VPS13D: variants seen among roughly 807,000 people sequenced by gnomAD.
VPS13D encodes the protein intermembrane lipid transfer protein VPS13D.
Under a neutral mutation model 461.9 loss-of-function variants are expected in VPS13D, and 187 were observed. The observed-to-expected ratio is 0.40, with a 90% CI of 0.36 to 0.46. VPS13D has a LOEUF of 0.46. Ranked by LOEUF, VPS13D falls within the 20% of genes least tolerant of loss-of-function variation. The probability of loss-of-function intolerance (pLI) is 0.60; values close to 1 mark genes in which losing one functional copy is unlikely to be tolerated. For synonymous variants in VPS13D, 1,951 were observed against 1,986.3 expected (o/e 0.98, Z 0.47); for missense variants, 4,711 against 5,364.9 (o/e 0.88, Z 3.81).
chr1:12,262,615 A>C (rs916381233), intron 13 of VPS13D, among the ~76,000 whole-genome samples: 2 of 152,074 alleles, frequency 1.3e-5, no homozygotes, highest in African/African-American at 4.8e-5. Context: ...TAATGTAAGT[A>C]TTCTGAGCAC....
intron 27 of VPS13D, among the ~76,000 whole-genome samples, chr1:12,310,793 TTCCCTCCCTCCCTCCCTCCCTCCC>T (rs1227739408): frequency 2.8e-4 from 36 of 127,140 alleles, no homozygotes; most frequent in South Asian, 1.7e-3. Context: ...CCTTCCTTCC[TTCCCTCCCTCCCTCCCTCCCTCCC>T]TCCTTCCCTC....
chr1:12,319,974 C>T (rs550649906), intron 32 of VPS13D, among the ~76,000 whole-genome samples: 1 of 152,302 alleles, frequency 6.6e-6, no homozygotes, highest in Admixed American at 6.5e-5. Flanking sequence ...GAAGGTGAGG[C>T]CGTGGGTCTC....
At chr1:12,298,321 A>G (rs1642330716) in intron 24 of VPS13D, among the ~76,000 whole-genome samples, 1 of 152,170 alleles carries the variant, frequency 6.6e-6, no homozygotes, top group South Asian at 2.1e-4. Flanking sequence ...GCATACTCTC[A>G]GCCAATAGAC....
In VPS13D at chr1:12,511,753, T is replaced by C. The variant is rs932896356; in HGVS notation, c.*2729T>C. ...GTGCTTCCCCAGCCCCTGGGCCTGG[T>C]CACTACACAGTGGAAAACAGACAAG... On this transcript the variant is annotated 3_prime_UTR_variant, in exon 70 of 70. Transcript: ENST00000620676. The surrounding 1 kb of genome is among the most constrained non-coding windows in gnomAD (Gnocchi z 4.5). The C allele has an allele frequency of 6.6e-6, 1 of 152,192 alleles. No individual in the cohort carries two copies. Among genetic ancestry groups the C allele is most frequent in the African/African-American group, 2.4e-5 (1 of 41,436 alleles). The allele number at this position is 152,192 out of a possible 1,614,324, so 9.4% of individuals were successfully genotyped here.
At position 12,379,531 on chromosome 1, in the gene VPS13D, A is replaced by T; in HGVS notation, c.11125A>T (p.Thr3709Ser). ...MLRKPDRRRS[T>S]TQTWSFREGK... Reference sequence around the variant, plus strand: ...GAGAAAGCCTGACCGCAGGCGAAGCACAACTCAGACGTGGAGTTTCCGAGA... The same window carrying T: ...GAGAAAGCCTGACCGCAGGCGAAGCTCAACTCAGACGTGGAGTTTCCGAGA... Residue 3709 changes from threonine to serine, a missense_variant, in exon 57 of 70, where the codon ACA becomes TCA. Physicochemically the swap from Thr to Ser is moderately conservative, Grantham distance 58 (BLOSUM62 1). Coordinates refer to ENST00000620676, the MANE Select transcript of VPS13D (RefSeq NM_015378.4). 6.2e-7 allele frequency: 1 copy of T among 1,613,660 alleles called. No individual in the cohort carries two copies. The highest frequency in any genetic ancestry group is 8.5e-7 in the Non-Finnish European group (1 of 1,179,820).
At chr1:12,230,989 C>G (rs1265524464) in intron 1 of VPS13D, among the ~76,000 whole-genome samples, 3 of 152,150 alleles carry the variant, frequency 2.0e-5, no homozygotes, top group Admixed American at 1.3e-4. Context: ...GTCCCCGCCC[C>G]GGTTTTGGAG....
chr1:12,305,518 G>A (rs767639006), intron 26 of VPS13D, among the ~76,000 whole-genome samples: 2 of 152,076 alleles, frequency 1.3e-5, no homozygotes, highest in African/African-American at 2.4e-5. Flanking sequence ...TTAAACTCCC[G>A]AGCTCAAGTG....
Position 12,244,362 on chromosome 1 carries a change from A to G in VPS13D, c.292A>G (p.Asn98Asp). 1.2e-6 allele frequency: 2 copies of G among 1,614,202 alleles called. No individual in the cohort carries two copies. The highest frequency in any genetic ancestry group is 2.2e-5 in the East Asian group (1 of 44,890). The change falls in exon 4 of 70, where the codon AAT becomes GAT. Residue 98 changes from asparagine (N) to aspartate (D), a missense_variant. Asn to Asp is a conservative substitution (Grantham distance 23, BLOSUM62 1). Around this residue, in one of 3 missense-constraint regions of VPS13D, gnomAD observed 4,411 missense variants for 4,937.8 expected, o/e 0.89. Transcript: ENST00000620676. ...AGCCCCAGAGAAAATACAGGATTTC[A>G]ATGATGAAAAGGAGAAGCTGTTGGA... ...IGAPEKIQDFNDEKEKLLERE... is the reference protein window; with the variant it reads ...IGAPEKIQDFDDEKEKLLERE...
At chr1:12,363,376 G>A (rs1473704857) in intron 52 of VPS13D, 129 bp downstream of exon 52, 4 of 954,558 alleles carry the variant, frequency 4.2e-6, no homozygotes, top group African/African-American at 1.7e-5. Context: ...AACTTGCAAA[G>A]TCCAGGGAAG....
intron 67 of VPS13D, among the ~76,000 whole-genome samples, chr1:12,485,468 G>C (rs138634178): frequency 6.6e-6 from 1 of 152,194 alleles, no homozygotes; most frequent in East Asian, 1.9e-4. Context: ...CTTCTGGCCC[G>C]CATCACCCTG....
rs182290173 is a variant in VPS13D at position 12,335,887 on chromosome 1, C to T, written c.8551+60C>T. The T allele has an allele frequency of 2.4e-4, 384 of 1,605,048 alleles. 1 individual carries two copies. In the African/African-American group the frequency reaches 4.5e-3, roughly 19 times the overall value. The stretch of plus-strand genomic sequence containing the variant: ...ACTTTTGACCTACAAAGCAATGCTT[C>T]ACTGAGAAATTCAAATGGAACCATC... On this transcript the variant is annotated intron_variant, in intron 39 of 69. Transcript: ENST00000620676.
intron 16 of VPS13D, among the ~76,000 whole-genome samples, chr1:12,269,088 TTC>T: frequency 6.6e-6 from 1 of 152,382 alleles, no homozygotes; most frequent in South Asian, 2.1e-4. Flanking sequence ...CTTAAATATT[TTC>T]TCTTTGTTTG....
chr1:12,448,447 G>C (rs1423044344), intron 65 of VPS13D, among the ~76,000 whole-genome samples: 1 of 152,132 alleles, frequency 6.6e-6, no homozygotes, highest in Non-Finnish European at 1.5e-5. Flanking sequence ...CCTGTCTTCA[G>C]GCTTCCCTCT....
intron 65 of VPS13D, among the ~76,000 whole-genome samples, chr1:12,447,845 T>C (rs1364917418): frequency 1.3e-5 from 2 of 152,208 alleles, no homozygotes; most frequent in African/African-American, 2.4e-5. Context: ...TGTTGAGGAA[T>C]GTTCGGTTTC....
At chr1:12,356,715 A>G (rs1482719026) in intron 49 of VPS13D, among the ~76,000 whole-genome samples, 191 bp downstream of exon 49, 1 of 152,244 alleles carries the variant, frequency 6.6e-6, no homozygotes, top group African/African-American at 2.4e-5. Context: ...CTGAAAATAA[A>G]CCATTTGGTT....
intron 65 of VPS13D, among the ~76,000 whole-genome samples, chr1:12,445,937 G>A (rs1039145696): frequency 1.3e-5 from 2 of 152,170 alleles, no homozygotes; most frequent in African/African-American, 4.8e-5. Context: ...TGACACTTGT[G>A]TATAAATAAC....
intron 2 of VPS13D, among the ~76,000 whole-genome samples, chr1:12,241,397 A>C (rs144519074): frequency 6.6e-6 from 1 of 152,334 alleles, no homozygotes; most frequent in African/African-American, 2.4e-5. Flanking sequence ...CGTGTTCTTG[A>C]AAATGTATAT....
At chr1:12,363,801 A>G (rs1222596245) in intron 52 of VPS13D, among the ~76,000 whole-genome samples, 1 of 151,862 alleles carries the variant, frequency 6.6e-6, no homozygotes, top group Non-Finnish European at 1.5e-5. Context: ...AAAAATACAA[A>G]AATTAGCTGG....
intron 63 of VPS13D, among the ~76,000 whole-genome samples, chr1:12,414,803 GACAA>G (rs773441279): frequency 2.2e-4 from 33 of 152,314 alleles, no homozygotes; most frequent in Admixed American, 5.2e-4. Context: ...AGTAAAACAT[GACAA>G]ACAGATACAA....
Sources: allele counts gnomAD v4.1 joint callset (sites outside exome capture counted in the v4.1 genomes callset), GRCh38; gene constraint gnomAD v4.1.1; regional missense constraint gnomAD v4.1.1; non-coding constraint Gnocchi (gnomAD v3.1); transcripts MANE v1.5; gene names NCBI Gene and HGNC (gene_info 2026-07-23, HGNC 2026-07-21).